DAB1: variants seen among roughly 807,000 people sequenced by gnomAD.
DAB1 encodes disabled homolog 1.
Under a neutral mutation model 64.6 loss-of-function variants are expected in DAB1, and 15 were observed. The observed-to-expected ratio is 0.23, with a 90% CI of 0.16 to 0.36. The LOEUF (loss-of-function observed/expected upper bound fraction) is 0.36, where lower values mean the gene tolerates loss of function less well. Ranked by LOEUF, DAB1 falls within the 10% of genes least tolerant of loss-of-function variation. The probability of loss-of-function intolerance (pLI) is 1.00; values close to 1 mark genes in which losing one functional copy is unlikely to be tolerated. For missense variants in DAB1, 596 were observed against 706.7 expected (o/e 0.84, Z 1.78); for synonymous variants, 235 against 251.9 (o/e 0.93, Z 0.64).
chr1:57,893,586 AAAT>A (rs1373372101), intron 5 of DAB1, among the ~76,000 whole-genome samples: 14 of 152,180 alleles, frequency 9.2e-5, no homozygotes, highest in African/African-American at 3.4e-4. Flanking sequence ...TAAGGAAATA[AAAT>A]AATTAAGATC....
At chr1:58,431,659 G>A (rs569388258) in intron 3 of DAB1, among the ~76,000 whole-genome samples, 171 of 151,834 alleles carry the variant, frequency 1.1e-3, no homozygotes, top group Middle Eastern at 3.4e-3. Flanking sequence ...CTAGATTTAC[G>A]AAGGTTTTTT....
upstream of DAB1, among the ~76,000 whole-genome samples, chr1:57,426,727 G>GT (rs1393877551): frequency 9.9e-5 from 15 of 152,148 alleles, no homozygotes; most frequent in African/African-American, 3.6e-4. Flanking sequence ...ACTGGATAGA[G>GT]TATAGAGTTT....
At chr1:57,515,978 G>A (rs925677609) in intron 7 of DAB1, among the ~76,000 whole-genome samples, 7 of 152,176 alleles carry the variant, frequency 4.6e-5, no homozygotes, top group African/African-American at 1.7e-4. Flanking sequence ...ACAAGCCAAG[G>A]CCTGTAGCGA....
intron 2 of DAB1, among the ~76,000 whole-genome samples, chr1:57,264,687 C>T (rs1441742291): frequency 7.0e-6 from 1 of 143,790 alleles, no homozygotes; most frequent in African/African-American, 2.9e-5. Flanking sequence ...GAGCAGGTCT[C>T]GTGATCTCCC....
At chr1:58,070,123 T>C (rs985703451) in intron 5 of DAB1, among the ~76,000 whole-genome samples, 25 of 152,212 alleles carry the variant, frequency 1.6e-4, no homozygotes, top group African/African-American at 5.1e-4. Context: ...GCTGCCCTAA[T>C]TATTTGATGA....
In DAB1 at chr1:58,000,823, G is replaced by C. The variant is rs565059809; in HGVS notation, n.388-116661C>G. Among the ~76,000 whole-genome samples, 16 of 151,732 alleles carry C rather than the reference G, an allele frequency of 1.1e-4. No individual in the cohort carries two copies. In the East Asian group the frequency reaches 3.1e-3, roughly 30 times the overall value. On this transcript the variant is annotated intron_variant and non_coding_transcript_variant, in intron 5 of 20. Transcript: ENST00000485760. ...TGACCTCAAGTGATCAGCCCACCTT[G>C]GCCTCCCAAAGTGCTGGGATTACAG...
intron 6 of DAB1, among the ~76,000 whole-genome samples, chr1:57,672,818 G>A (rs1207748739): frequency 1.3e-5 from 2 of 151,972 alleles, no homozygotes; most frequent in African/African-American, 4.8e-5. Flanking sequence ...TCTCTCACTA[G>A]ATTCTGAGCT....
At chr1:58,051,236 C>T (rs1381164609) in intron 5 of DAB1, among the ~76,000 whole-genome samples, 2 of 148,418 alleles carry the variant, frequency 1.3e-5, no homozygotes, top group South Asian at 2.2e-4. Context: ...ATATGATGTT[C>T]CCTGCCCTGT....
At chr1:57,531,392 C>T (rs940229836) in intron 7 of DAB1, among the ~76,000 whole-genome samples, 1 of 152,078 alleles carries the variant, frequency 6.6e-6, no homozygotes, top group Non-Finnish European at 1.5e-5. Flanking sequence ...ACTCTCTTTT[C>T]TGACTCAGCC....
intron 2 of DAB1, among the ~76,000 whole-genome samples, chr1:57,219,054 A>G (rs1666660850): frequency 2.0e-5 from 3 of 152,328 alleles, no homozygotes; most frequent in South Asian, 2.1e-4. Context: ...TTTCTATCGC[A>G]TGGATAGAGG....
chr1:58,060,716 C>A (rs1648444469), intron 5 of DAB1, among the ~76,000 whole-genome samples: 1 of 152,216 alleles, frequency 6.6e-6, no homozygotes, highest in South Asian at 2.1e-4. Context: ...TGAGTGTGCA[C>A]AAGTCCCAGG....
chr1:57,710,008 G>A (rs1042252246), intron 6 of DAB1, among the ~76,000 whole-genome samples: 5 of 152,042 alleles, frequency 3.3e-5, no homozygotes, highest in African/African-American at 1.2e-4. Flanking sequence ...GAAATGATTT[G>A]GGGGCTGCTT....
chr1:58,490,056 C>T (rs1645651384), intron 3 of DAB1, among the ~76,000 whole-genome samples: 2 of 152,234 alleles, frequency 1.3e-5, no homozygotes, highest in Admixed American at 1.3e-4. Context: ...CAAAGGAACA[C>T]AGCTCGTCAC....
At chr1:57,770,150 C>T (rs564507809) in intron 6 of DAB1, among the ~76,000 whole-genome samples, 2 of 152,238 alleles carry the variant, frequency 1.3e-5, no homozygotes, top group South Asian at 4.1e-4. Flanking sequence ...GATTCAAATG[C>T]CTTCTCAATC....
chr1:58,209,430 C>T (rs149755825), intron 4 of DAB1, among the ~76,000 whole-genome samples: 2 of 152,024 alleles, frequency 1.3e-5, no homozygotes, highest in Non-Finnish European at 2.9e-5. Flanking sequence ...TGGAGGCTAA[C>T]AAAAACAACA....
chr1:57,960,627 T>C (rs1472174896), intron 5 of DAB1, among the ~76,000 whole-genome samples: 1 of 152,208 alleles, frequency 6.6e-6, no homozygotes, highest in Non-Finnish European at 1.5e-5. Context: ...ATCTGGTGAC[T>C]TAGGAAATGG....
chr1:57,967,060 T>TAC (rs1025449210), intron 5 of DAB1, among the ~76,000 whole-genome samples: 21 of 152,180 alleles, frequency 1.4e-4, no homozygotes, highest in African/African-American at 4.1e-4. Context: ...CATACATGCA[T>TAC]ACACACACAC....
At chr1:58,469,577 T>C (rs1645334509) in intron 3 of DAB1, among the ~76,000 whole-genome samples, 1 of 152,220 alleles carries the variant, frequency 6.6e-6, no homozygotes, top group African/African-American at 2.4e-5. Context: ...TGATCTCCAC[T>C]GAACCTTCTA....
intron 4 of DAB1, among the ~76,000 whole-genome samples, chr1:57,082,152 G>A (rs1294770420): frequency 6.6e-6 from 1 of 152,056 alleles, no homozygotes. Flanking sequence ...TACGGCAAAA[G>A]GTTAAGTTTT....
Sources: gnomAD v4.1 joint callset for allele counts (sites outside exome capture counted in the v4.1 genomes callset) on GRCh38, gnomAD v4.1.1 for gene constraint, MANE v1.5 for transcripts, NCBI Gene and HGNC (gene_info 2026-07-23, HGNC 2026-07-21) for gene names.